MBD5: variants seen among roughly 807,000 people sequenced by gnomAD.
The protein encoded by MBD5 is methyl-CpG-binding domain protein 5.
Under a neutral mutation model 117.3 loss-of-function variants are expected in MBD5, and 13 were observed. The observed-to-expected ratio is 0.11, with a 90% CI of 0.07 to 0.18. MBD5 has a LOEUF of 0.18. MBD5 is among the 10% of genes least tolerant of loss of function. MBD5 has a pLI of 1.00. For missense variants in MBD5, 1,879 were observed against 2,093.8 expected (o/e 0.90, Z 2.00); for synonymous variants, 727 against 766.4 (o/e 0.95, Z 0.85).
At chr2:148,152,510 C>T (rs1362057099) in intron 1 of MBD5, among the ~76,000 whole-genome samples, 12 of 151,560 alleles carry the variant, frequency 7.9e-5, no homozygotes, top group South Asian at 2.1e-4. Context: ...CTTTCTGTCT[C>T]GTTGATCTGT....
At position 148,150,921 on chromosome 2, in the gene MBD5, AAT is replaced by A. The variant is rs576794705; in HGVS notation, c.-924-27777_-924-27776del. Among the ~76,000 whole-genome samples, 662 of 152,126 alleles carry A rather than the reference AAT, an allele frequency of 4.4e-3. 3 individuals are homozygous for A. Among genetic ancestry groups the A allele is most frequent in the African/African-American group, 0.015 (634 of 41,472 alleles). ...ATTTGGCTTCCTCTTTTCCTAATTG[AAT>A]ACCCTTTATTTCCTTCTCCTGCCTG... On this transcript the variant is annotated intron_variant, in intron 1 of 13. Transcript: ENST00000642680.
intron 1 of MBD5, among the ~76,000 whole-genome samples, chr2:148,151,258 A>G (rs1303175951): frequency 6.6e-6 from 1 of 151,928 alleles, no homozygotes; most frequent in African/African-American, 2.4e-5. Context: ...TGATTTGCAT[A>G]TATTGAACCA....
At chr2:148,093,444 G>T (rs972864052) in intron 1 of MBD5, among the ~76,000 whole-genome samples, 3 of 152,156 alleles carry the variant, frequency 2.0e-5, no homozygotes, top group African/African-American at 7.2e-5. Flanking sequence ...TGTGAATAAT[G>T]TCTGATGAGG....
intron 1 of MBD5, among the ~76,000 whole-genome samples, chr2:148,116,416 TC>T (rs1696643834): frequency 1.3e-5 from 2 of 152,176 alleles, no homozygotes; most frequent in African/African-American, 4.8e-5. Flanking sequence ...ACTATTGCTT[TC>T]TGCCAACAAC....
chr2:148,051,169 C>A (rs1207018233), intron 1 of MBD5, among the ~76,000 whole-genome samples: 1 of 151,972 alleles, frequency 6.6e-6, no homozygotes, highest in Non-Finnish European at 1.5e-5. Flanking sequence ...GTATTTTATT[C>A]CATTTAATGC....
At chr2:148,063,710 C>G (rs370765180) in intron 1 of MBD5, among the ~76,000 whole-genome samples, 128 of 152,182 alleles carry the variant, frequency 8.4e-4, no homozygotes, top group African/African-American at 2.9e-3. Flanking sequence ...GCCTTTCCCA[C>G]CACTGTACAA....
At chr2:148,393,997 C>A (rs930667433) in intron 4 of MBD5, among the ~76,000 whole-genome samples, 3 of 152,062 alleles carry the variant, frequency 2.0e-5, no homozygotes, top group Non-Finnish European at 4.4e-5. Context: ...GGCAATGTTA[C>A]CTTATTGCTG....
At chr2:148,392,070 T>A (rs75658515) in intron 4 of MBD5, among the ~76,000 whole-genome samples, 1 of 152,028 alleles carries the variant, frequency 6.6e-6, no homozygotes, top group Non-Finnish European at 1.5e-5. Context: ...AGCTCATTGG[T>A]TTTTTTTCTG....
chr2:148,306,058 T>C (rs1701884108), intron 3 of MBD5, among the ~76,000 whole-genome samples: 1 of 152,238 alleles, frequency 6.6e-6, no homozygotes, highest in African/African-American at 2.4e-5. Flanking sequence ...TTTGCTTTGT[T>C]TGAACTTTTC....
chr2:148,208,574 C>A (rs1699341751), intron 2 of MBD5, among the ~76,000 whole-genome samples: 1 of 151,902 alleles, frequency 6.6e-6, no homozygotes, highest in Admixed American at 6.6e-5. Flanking sequence ...CTTTATATGA[C>A]TGCTCATCTC....
At chr2:148,127,478 A>G (rs555988856) in intron 1 of MBD5, among the ~76,000 whole-genome samples, 3 of 152,186 alleles carry the variant, frequency 2.0e-5, no homozygotes, top group African/African-American at 7.2e-5. Context: ...AAGTGAGAAC[A>G]TGTGGTATTT....
chr2:148,511,212 C>T (rs1026277059), intron 13 of MBD5, among the ~76,000 whole-genome samples: 1 of 152,190 alleles, frequency 6.6e-6, no homozygotes, highest in Admixed American at 6.5e-5. Context: ...GCTAAGAATA[C>T]TGCCAGCATA....
chr2:148,285,856 G>A (rs1701356927), intron 3 of MBD5, among the ~76,000 whole-genome samples: 1 of 151,858 alleles, frequency 6.6e-6, no homozygotes, highest in African/African-American at 2.4e-5. Flanking sequence ...ACTGTGCCTG[G>A]CCTCTAATTC....
At chr2:148,095,989 G>A (rs560271573) in intron 1 of MBD5, among the ~76,000 whole-genome samples, 48 of 152,136 alleles carry the variant, frequency 3.2e-4, no homozygotes, top group African/African-American at 1.1e-3. Context: ...AATTTTCTAA[G>A]GACAAATCAG....
intron 4 of MBD5, among the ~76,000 whole-genome samples, chr2:148,390,505 G>A (rs1704536875): frequency 2.0e-5 from 3 of 148,136 alleles, no homozygotes; most frequent in South Asian, 2.2e-4. Flanking sequence ...ATATATGTGT[G>A]TGTATGTATA....
intron 1 of MBD5, among the ~76,000 whole-genome samples, chr2:148,143,401 G>GT (rs943201554): frequency 6.6e-6 from 1 of 152,060 alleles, no homozygotes; most frequent in African/African-American, 2.4e-5. Context: ...AAGAATGCTG[G>GT]TTTTTACTAT....
intron 4 of MBD5, among the ~76,000 whole-genome samples, chr2:148,359,372 T>G (rs572137338): frequency 6.6e-6 from 1 of 151,954 alleles, no homozygotes; most frequent in Non-Finnish European, 1.5e-5. Context: ...AGATAAAACA[T>G]ATCATGTTCA....
Position 148,512,879 on chromosome 2 carries a change from A to T in MBD5, c.5122A>T (p.Ile1708Phe). The T allele has an allele frequency of 6.2e-7, 1 of 1,613,878 alleles. No homozygotes were observed. Among genetic ancestry groups the T allele is most frequent in the South Asian group, 1.1e-5 (1 of 91,076 alleles). The change falls in exon 14 of 14, where the codon ATC (isoleucine) becomes TTC (phenylalanine). Residue 1708 changes from isoleucine (I) to phenylalanine (F), a missense_variant. By Grantham distance (21) the Ile-to-Phe change is conservative (BLOSUM62 0). This residue lies in a region of MBD5 where 135 missense variants were observed against 148.0 expected (regional missense o/e 0.91). Coordinates refer to ENST00000642680, the MANE Select transcript of MBD5 (RefSeq NM_001378120.1). ...ACCTTTTTATTTCCAGGTACACCAA[A>T]TCCCACAGGGTGACAGACAAATGAG... is the stretch of plus-strand genomic sequence containing the variant. ...LDKMSGTVHQIPQGDRQMRPP... is the reference protein window; with the variant it reads ...LDKMSGTVHQFPQGDRQMRPP...
chr2:148,358,859 A>C (rs2105288528), intron 4 of MBD5, among the ~76,000 whole-genome samples: 1 of 152,228 alleles, frequency 6.6e-6, no homozygotes, highest in East Asian at 1.9e-4. Context: ...TTTCAGAAAT[A>C]ATCTAATCTC....
Sources: allele counts gnomAD v4.1 joint callset (sites outside exome capture counted in the v4.1 genomes callset), GRCh38; gene constraint gnomAD v4.1.1; regional missense constraint gnomAD v4.1.1; transcripts MANE v1.5; gene names NCBI Gene and HGNC (gene_info 2026-07-23, HGNC 2026-07-21).